SPPL3: variants seen among roughly 807,000 people sequenced by gnomAD.
SPPL3 encodes the protein signal peptide peptidase-like 3.
In SPPL3, 5 loss-of-function variants were observed where a neutral mutation model predicts 42.4. That is an observed-to-expected ratio of 0.12 (90% CI 0.06 to 0.25). SPPL3 has a LOEUF of 0.25. Ranked by LOEUF, SPPL3 falls within the 10% of genes least tolerant of loss-of-function variation. The pLI is 1.00. For synonymous variants in SPPL3, 195 were observed against 181.8 expected, an observed-to-expected ratio of 1.07 and a Z score of -0.58; for missense variants, 235 against 489.0, an observed-to-expected ratio of 0.48 and a Z score of 4.90.
At chr12:120,828,065 G>C (rs1276638069) in intron 1 of SPPL3, among the ~76,000 whole-genome samples, 1 of 152,198 alleles carries the variant, frequency 6.6e-6, no homozygotes, top group African/African-American at 2.4e-5. Context: ...TGGGATTACA[G>C]GCATGAGCCA....
At chr12:120,824,064 G>T (rs2137011519) in intron 1 of SPPL3, among the ~76,000 whole-genome samples, 1 of 152,094 alleles carries the variant, frequency 6.6e-6, no homozygotes, top group Admixed American at 6.6e-5. Context: ...TAGAGATGGG[G>T]TTTCACGGTG....
chr12:120,766,959 C>T (rs1336945370), intron 9 of SPPL3, among the ~76,000 whole-genome samples: 1 of 152,184 alleles, frequency 6.6e-6, no homozygotes, highest in Non-Finnish European at 1.5e-5. Flanking sequence ...TTTCCCAGCC[C>T]CATCACAATC....
chr12:120,902,906 T>C (rs776648357), intron 1 of SPPL3, among the ~76,000 whole-genome samples: 1 of 152,142 alleles, frequency 6.6e-6, no homozygotes, highest in East Asian at 1.9e-4. Flanking sequence ...CCTGCAAATA[T>C]CCCACCTCTA....
In SPPL3 at chr12:120,766,243, T is replaced by A; in HGVS notation, c.1083+20A>T. ...CAATCCAAGTTATTGCTTTCACAGG[T>A]TTATAACTGCTGCTCTCACCTTTAA... On this transcript the variant is annotated intron_variant, in intron 10 of 10. Transcript: ENST00000353487. 2 of 1,549,460 alleles carry A rather than the reference T, an allele frequency of 1.3e-6. No homozygotes were observed. The highest frequency in any genetic ancestry group is 1.7e-6 in the Non-Finnish European group (2 of 1,144,152).
intron 1 of SPPL3, among the ~76,000 whole-genome samples, chr12:120,812,720 A>G (rs1304170627): frequency 1.3e-5 from 2 of 152,204 alleles, no homozygotes; most frequent in African/African-American, 4.8e-5. Flanking sequence ...TCAGAAAGGC[A>G]GCAGAATTAA....
chr12:120,805,537 A>G (rs756345496), intron 2 of SPPL3, among the ~76,000 whole-genome samples: 1 of 152,242 alleles, frequency 6.6e-6, no homozygotes, highest in African/African-American at 2.4e-5. Flanking sequence ...GGAAAAAGAC[A>G]AAGTCTTTCA....
Position 120,903,836 on chromosome 12 carries a change from CG to C in SPPL3, c.23+8del. ...GCCGCCTCCCGGCCTCCCGGAGCCC[CG>C]CACTCACCACGAGTAGGTCTGCTCC... On this transcript the variant is annotated splice_region_variant and intron_variant, in intron 1 of 10. Transcript: ENST00000353487. The C allele has an allele frequency of 6.8e-7, 1 of 1,478,882 alleles. No homozygotes were observed. Among genetic ancestry groups the C allele is most frequent in the East Asian group, 2.9e-5 (1 of 34,438 alleles). The allele number at this position is 1,478,882 out of a possible 1,614,324, so 91.6% of individuals were successfully genotyped here. A position where few individuals can be genotyped will look rare whatever the true frequency, so the allele number is the denominator to read the frequency against.
In SPPL3 at chr12:120,777,256, G is replaced by T. The variant is rs559710117; in HGVS notation, c.502+5399C>A. Among the ~76,000 whole-genome samples, 182 of 152,254 alleles carry T rather than the reference G, an allele frequency of 1.2e-3. 1 individual carries two copies. The highest frequency in any genetic ancestry group is 4.2e-3 in the African/African-American group (176 of 41,558). ...CCTCATCAGGAAGCCACTGGACTAG[G>T]TAAGATTTAAGGGATATACTCATAA... On this transcript the variant is annotated intron_variant, in intron 6 of 10. Coordinates refer to ENST00000353487, the MANE Select transcript of SPPL3 (RefSeq NM_139015.5).
intron 1 of SPPL3, among the ~76,000 whole-genome samples, chr12:120,899,888 CAA>C (rs34814522): frequency 5.6e-5 from 4 of 71,698 alleles, no homozygotes; most frequent in Admixed American, 1.9e-4. Context: ...GACCCTGTCT[CAA>C]AAAAAAAAAA....
chr12:120,774,111 A>T (rs10437838), intron 6 of SPPL3, among the ~76,000 whole-genome samples: 29,457 of 152,104 alleles, frequency 0.19, 4,496 homozygotes, highest in African/African-American at 0.41. Flanking sequence ...ATTCTATCCT[A>T]ACCTTCCAAA....
chr12:120,789,904 TC>T (rs1869858607), intron 3 of SPPL3, among the ~76,000 whole-genome samples: 1 of 151,228 alleles, frequency 6.6e-6, no homozygotes, highest in South Asian at 2.1e-4. Flanking sequence ...CACAACCATT[TC>T]TTGTTTTTGT....
At chr12:120,817,995 G>T (rs979091703) in intron 1 of SPPL3, among the ~76,000 whole-genome samples, 6 of 152,132 alleles carry the variant, frequency 3.9e-5, no homozygotes, top group Non-Finnish European at 7.4e-5. Flanking sequence ...AGGAAAAAGG[G>T]TGGGTAAGTC....
intron 1 of SPPL3, among the ~76,000 whole-genome samples, chr12:120,859,388 A>T (rs180930461): frequency 3.9e-5 from 6 of 152,220 alleles, no homozygotes; most frequent in African/African-American, 7.2e-5. Context: ...AAATGCTTAC[A>T]TACCTTCCTT....
chr12:120,875,498 G>A (rs912894153), intron 1 of SPPL3, among the ~76,000 whole-genome samples: 3 of 151,822 alleles, frequency 2.0e-5, no homozygotes, highest in African/African-American at 4.8e-5. Flanking sequence ...GCATGGTGGC[G>A]GACGCCCGTA....
At chr12:120,841,151 C>A (rs777490208) in intron 1 of SPPL3, among the ~76,000 whole-genome samples, 1 of 152,036 alleles carries the variant, frequency 6.6e-6, no homozygotes, top group African/African-American at 2.4e-5. Context: ...CATGGAGAAA[C>A]CCCATCTCTA....
At position 120,768,425 on chromosome 12, in the gene SPPL3, C is replaced by T. The variant is rs1868987273; in HGVS notation, c.673G>A (p.Asp225Asn). 1.9e-6 allele frequency: 3 copies of T among 1,614,078 alleles called. No individual in the cohort carries two copies. The change falls in exon 8 of 11, where the codon GAC becomes AAC. Residue 225 changes from aspartate to asparagine, a missense_variant. Coordinates refer to ENST00000353487, the MANE Select transcript of SPPL3 (RefSeq NM_139015.5). ...CGGGATAGAACGTCAAGGGGATTGT[C>T]AGCCGGCTGAGTGGCCACCTTCACC... ...VMVKVATQPA[D>N]NPLDVLSRKL...
intron 1 of SPPL3, among the ~76,000 whole-genome samples, chr12:120,870,449 G>C (rs1214960988): frequency 6.6e-6 from 1 of 151,816 alleles, no homozygotes; most frequent in African/African-American, 2.4e-5. Flanking sequence ...CAGAAAAAAA[G>C]AAAGAAAAAA....
intron 1 of SPPL3, among the ~76,000 whole-genome samples, chr12:120,851,107 C>A (rs141889860): frequency 6.6e-6 from 1 of 152,294 alleles, no homozygotes; most frequent in East Asian, 1.9e-4. Flanking sequence ...AGTATACTTA[C>A]CTACAGTATC....
intron 1 of SPPL3, among the ~76,000 whole-genome samples, chr12:120,840,274 T>C (rs1227792114): frequency 1.5e-5 from 1 of 65,814 alleles, no homozygotes; most frequent in Non-Finnish European, 2.8e-5. Flanking sequence ...TGAGACTCTG[T>C]CTCAAAAAAA....
Sources: gnomAD v4.1 joint callset for allele counts (sites outside exome capture counted in the v4.1 genomes callset) on GRCh38, gnomAD v4.1.1 for gene constraint, MANE v1.5 for transcripts, NCBI Gene and HGNC (gene_info 2026-07-23, HGNC 2026-07-21) for gene names.